The following RYR3 variants were observed in gnomAD, a reference collection of about 807,000 sequenced individuals.
RYR3 encodes the protein ryanodine receptor 3.
Under a neutral mutation model 584.3 loss-of-function variants are expected in RYR3, and 207 were observed. That is an observed-to-expected ratio of 0.35 (90% CI 0.32 to 0.40). The LOEUF is 0.40. Ranked by LOEUF, RYR3 falls within the 10% of genes least tolerant of loss-of-function variation. The pLI is 1.00. For synonymous variants in RYR3, 2,416 were observed against 2,248.5 expected, an observed-to-expected ratio of 1.07 and a Z score of -2.11; for missense variants, 5,616 against 6,089.2, an observed-to-expected ratio of 0.92 and a Z score of 2.59.
intron 67 of RYR3, among the ~76,000 whole-genome samples, chr15:33,797,635 T>C (rs2075699763): frequency 6.6e-6 from 1 of 152,140 alleles, no homozygotes; most frequent in Non-Finnish European, 1.5e-5. Flanking sequence ...AACCGCATTC[T>C]CACACGAAGG....
chr15:33,840,152 G>A (rs946186627), intron 89 of RYR3, among the ~76,000 whole-genome samples: 2 of 152,220 alleles, frequency 1.3e-5, no homozygotes, highest in Non-Finnish European at 2.9e-5. Flanking sequence ...TTCTGAAAAG[G>A]TGTCATCTGA....
chr15:33,487,077 A>C (rs927107789), intron 2 of RYR3, among the ~76,000 whole-genome samples: 1 of 152,094 alleles, frequency 6.6e-6, no homozygotes, highest in Non-Finnish European at 1.5e-5. Flanking sequence ...GGGCATCTAT[A>C]GTCCCAGCTA....
chr15:33,730,124 T>TTTGTGAATAA (rs386382648), intron 47 of RYR3, among the ~76,000 whole-genome samples: 2 of 152,162 alleles, frequency 1.3e-5, no homozygotes. Context: ...TGAATAATTA[T>TTTGTGAATAA]TTGTGAATAA....
intron 43 of RYR3, among the ~76,000 whole-genome samples, chr15:33,713,163 G>A (rs1488557685): frequency 6.6e-6 from 1 of 152,134 alleles, no homozygotes; most frequent in Non-Finnish European, 1.5e-5. Context: ...ATAAGGAATC[G>A]TGGCAGATGA....
intron 18 of RYR3, among the ~76,000 whole-genome samples, chr15:33,612,210 C>T (rs913739548): frequency 1.3e-5 from 2 of 152,086 alleles, no homozygotes; most frequent in African/African-American, 4.8e-5. Context: ...TTCCTCACTA[C>T]TTTAAGTCAG....
intron 1 of RYR3, among the ~76,000 whole-genome samples, chr15:33,396,644 G>A (rs372855700): frequency 2.4e-4 from 36 of 152,304 alleles, no homozygotes; most frequent in African/African-American, 7.9e-4. Context: ...TCTAATGCAT[G>A]AGTGAAACAG....
intron 1 of RYR3, among the ~76,000 whole-genome samples, chr15:33,457,797 A>G (rs1226789101): frequency 1.3e-5 from 2 of 152,244 alleles, no homozygotes; most frequent in Non-Finnish European, 2.9e-5. Flanking sequence ...TCATCATCAT[A>G]CAACATATGT....
chr15:33,622,507 C>T (rs536552529), intron 19 of RYR3, among the ~76,000 whole-genome samples: 1 of 152,336 alleles, frequency 6.6e-6, no homozygotes, highest in South Asian at 2.1e-4. Flanking sequence ...CATCAGATGT[C>T]TCCCAATCAG....
chr15:33,864,854 T>TAAGTA (rs775918074), intron 103 of RYR3: 75 of 373,654 alleles, frequency 2.0e-4, no homozygotes, highest in Non-Finnish European at 3.2e-4. Context: ...GCTAAATCTT[T>TAAGTA]AAGTATGTTT....
At chr15:33,623,144 G>T (rs1405897519) in intron 19 of RYR3, among the ~76,000 whole-genome samples, 1 of 152,152 alleles carries the variant, frequency 6.6e-6, no homozygotes, top group Non-Finnish European at 1.5e-5. Flanking sequence ...AAAGACACTG[G>T]GATCCCAGTG....
chr15:33,369,266 GTTC>G (rs1226109688), intron 1 of RYR3, among the ~76,000 whole-genome samples: 1 of 152,114 alleles, frequency 6.6e-6, no homozygotes, highest in African/African-American at 2.4e-5. Flanking sequence ...CATAGACCTT[GTTC>G]TTCTCTCCTT....
Position 33,632,971 on chromosome 15 carries a change from A to C in RYR3, c.2890A>C (p.Lys964Gln). Residue 964 changes from lysine to glutamine, a missense_variant, in exon 24 of 104, where the codon AAG (lysine) becomes CAG (glutamine). By Grantham distance (53) the Lys-to-Gln change is moderately conservative. This residue lies in a region of RYR3 where 1,284 missense variants were observed against 1,344.6 expected (regional missense o/e 0.95). Transcript: ENST00000634891. ...PKNYMMSNGY[K>Q]PAPLDLSDVK... ...TAGCTATATGATGTCCAACGGCTAT[A>C]AGCCAGCCCCTTTGGATTTGTCTGA... The C allele has an allele frequency of 6.2e-7, 1 of 1,613,680 alleles. No individual in the cohort carries two copies. Among genetic ancestry groups the C allele is most frequent in the South Asian group, 1.1e-5 (1 of 91,002 alleles).
intron 1 of RYR3, among the ~76,000 whole-genome samples, chr15:33,355,182 C>A (rs1428947211): frequency 8.6e-4 from 108 of 126,030 alleles, no homozygotes; most frequent in South Asian, 1.9e-3. Context: ...GAAACTCCCT[C>A]AAAAAAAAAA....
At position 33,488,681 on chromosome 15, in the gene RYR3, T is replaced by C. The variant is rs149842501; in HGVS notation, c.172-14950T>C. Among the ~76,000 whole-genome samples the C allele has an allele frequency of 3.6e-3, 544 of 152,010 alleles. 3 individuals are homozygous for C. Among genetic ancestry groups the C allele is most frequent in the African/African-American group, 0.012 (496 of 41,468 alleles). ...TCCTGGCCAACATGGTGAAACCCCG[T>C]CTCTACTAAAAATACAAAAAATTAG... On this transcript the variant is annotated intron_variant, in intron 2 of 103. Coordinates refer to ENST00000634891, the MANE Select transcript of RYR3 (RefSeq NM_001036.6).
chr15:33,376,372 A>T (rs1173278136), intron 1 of RYR3, among the ~76,000 whole-genome samples: 1 of 152,190 alleles, frequency 6.6e-6, no homozygotes, highest in African/African-American at 2.4e-5. Flanking sequence ...TTCCCCTCTG[A>T]TGGACATTTG....
At chr15:33,507,932 C>T (rs180823490) in intron 3 of RYR3, among the ~76,000 whole-genome samples, 1 of 152,294 alleles carries the variant, frequency 6.6e-6, no homozygotes, top group Admixed American at 6.5e-5. Flanking sequence ...CTGTTCATCC[C>T]TGGTCCACTT....
chr15:33,670,318 A>G, intron 37 of RYR3, 101 bp from the exon 38 acceptor site: 1 of 1,220,820 alleles, frequency 8.2e-7, no homozygotes, highest in African/African-American at 1.5e-5. Flanking sequence ...ATCTTTAGAA[A>G]GTTCCAGAAG....
rs759886075 is a variant in RYR3 at position 33,623,929 on chromosome 15, A to G, written c.2480A>G (p.Tyr827Cys). ...EKMRLEPVKE[Y>C]KRDADGIRDL... ...ATGAGATTGGAGCCTGTCAAAGAAT[A>G]TAAACGTGATGCTGATGGCATTAGA... Residue 827 changes from tyrosine to cysteine, a missense_variant, in exon 20 of 104, where the codon TAT (tyrosine) becomes TGT (cysteine). Physicochemically the swap from Tyr to Cys is radical, Grantham distance 194. This residue lies in a region of RYR3 where 1,284 missense variants were observed against 1,344.6 expected (regional missense o/e 0.95). Coordinates refer to ENST00000634891, the MANE Select transcript of RYR3 (RefSeq NM_001036.6). 6 of 1,613,842 alleles carry G rather than the reference A, an allele frequency of 3.7e-6. No homozygotes were observed. The highest frequency in any genetic ancestry group is 1.3e-5 in the African/African-American group (1 of 74,926).
chr15:33,419,293 C>T (rs1443865442), intron 1 of RYR3, among the ~76,000 whole-genome samples: 1 of 152,122 alleles, frequency 6.6e-6, no homozygotes, highest in African/African-American at 2.4e-5. Flanking sequence ...AGAGGCCAAG[C>T]ACATTGAAAT....
Sources: gnomAD v4.1 joint callset for allele counts (sites outside exome capture counted in the v4.1 genomes callset) on GRCh38, gnomAD v4.1.1 for gene constraint, gnomAD v4.1.1 regional missense constraint, MANE v1.5 for transcripts, NCBI Gene and HGNC (gene_info 2026-07-23, HGNC 2026-07-21) for gene names.